Variants in LIN28B observed in about 807,000 individuals in gnomAD.
LIN28B encodes the protein lin-28 RNA binding posttranscriptional regulator B.
LIN28B carries 5 observed loss-of-function variants against 21.9 expected under a neutral mutation model. The ratio of observed to expected loss-of-function variants is 0.23; its 90% CI spans 0.12 to 0.48. LIN28B has a LOEUF of 0.48. Among genes scored for constraint, LIN28B ranks in the 20% least tolerant of loss-of-function variants. The pLI is 0.98. For missense variants in LIN28B, 245 were observed against 310.5 expected, an observed-to-expected ratio of 0.79 and a Z score of 1.58; for synonymous variants, 109 against 111.3, an observed-to-expected ratio of 0.98 and a Z score of 0.13.
intron 2 of LIN28B, among the ~76,000 whole-genome samples, chr6:104,942,193 C>T (rs1361378883): frequency 6.6e-6 from 1 of 152,016 alleles, no homozygotes; most frequent in South Asian, 2.1e-4. Flanking sequence ...TTTTATTTAT[C>T]GATCACAAAT....
At chr6:104,985,987 C>T (rs1383272945) in intron 2 of LIN28B, among the ~76,000 whole-genome samples, 1 of 152,080 alleles carries the variant, frequency 6.6e-6, no homozygotes, top group Non-Finnish European at 1.5e-5. Context: ...ATTTGTGTCC[C>T]TGCCCAAATC....
At chr6:104,999,287 T>C (rs1022873902) in intron 2 of LIN28B, among the ~76,000 whole-genome samples, 1 of 152,088 alleles carries the variant, frequency 6.6e-6, no homozygotes, top group Admixed American at 6.6e-5. Flanking sequence ...CTATAGGCCT[T>C]TGACACCACT....
chr6:104,956,455 T>C (rs1778291938), upstream of LIN28B, among the ~76,000 whole-genome samples: 1 of 152,202 alleles, frequency 6.6e-6, no homozygotes. Context: ...AATTTGACTA[T>C]ATGAAGGTGA....
chr6:104,992,812 A>C (rs1215672862), intron 2 of LIN28B, among the ~76,000 whole-genome samples: 1 of 152,134 alleles, frequency 6.6e-6, no homozygotes. Flanking sequence ...GTCTGGCCTG[A>C]TCAAGTATTT....
intron 2 of LIN28B, among the ~76,000 whole-genome samples, chr6:105,002,228 T>A (rs1292337020): frequency 1.3e-5 from 2 of 151,562 alleles, no homozygotes; most frequent in Non-Finnish European, 2.9e-5. Flanking sequence ...CAACTTTGCA[T>A]TAGCCATAAA....
At chr6:105,071,332 T>C (rs571482763) in intron 3 of LIN28B, among the ~76,000 whole-genome samples, 1 of 152,350 alleles carries the variant, frequency 6.6e-6, no homozygotes, top group South Asian at 2.1e-4. Flanking sequence ...TGTCAATACA[T>C]ATAAATTTAC....
At chr6:104,978,183 G>T (rs1770143286) in intron 2 of LIN28B, among the ~76,000 whole-genome samples, 1 of 152,174 alleles carries the variant, frequency 6.6e-6, no homozygotes, top group African/African-American at 2.4e-5. Context: ...CAGTGGAAAA[G>T]ATGGTGGCTT....
At chr6:105,013,491 A>T (rs1310072719) in intron 2 of LIN28B, among the ~76,000 whole-genome samples, 1 of 151,914 alleles carries the variant, frequency 6.6e-6, no homozygotes, top group Non-Finnish European at 1.5e-5. Context: ...TAATCCCAGC[A>T]CTTTGGGAGG....
At chr6:105,073,660 T>C (rs945952099) in intron 3 of LIN28B, among the ~76,000 whole-genome samples, 1 of 152,204 alleles carries the variant, frequency 6.6e-6, no homozygotes, top group Non-Finnish European at 1.5e-5. Flanking sequence ...GTTCAAGTAC[T>C]GTGAAGAATC....
rs376798143 is a variant in LIN28B at position 104,994,065 on chromosome 6, C to T, written c.199-32233C>T. Among the ~76,000 whole-genome samples the T allele has an allele frequency of 1.6e-3, 237 of 152,142 alleles. 1 individual carries two copies. Among genetic ancestry groups the T allele is most frequent in the South Asian group, 8.5e-3 (41 of 4,810 alleles). The stretch of plus-strand genomic sequence containing the variant: ...TGTCGCCCAGGCTGGAGGGCAGTGG[C>T]GCAATCTCGGCTCACTGCAAGCTCC... On this transcript the variant is annotated intron_variant, in intron 2 of 3. Coordinates refer to ENST00000345080, the MANE Select transcript of LIN28B (RefSeq NM_001004317.4).
At chr6:104,938,506 G>T (rs1778039432) in intron 2 of LIN28B, among the ~76,000 whole-genome samples, 1 of 151,994 alleles carries the variant, frequency 6.6e-6, no homozygotes, top group Admixed American at 6.6e-5. Context: ...GCGTGTGGTA[G>T]AGCAGGCCTG....
intron 2 of LIN28B, among the ~76,000 whole-genome samples, chr6:104,982,957 C>A (rs187667892): frequency 4.6e-5 from 7 of 152,170 alleles, no homozygotes; most frequent in Admixed American, 4.6e-4. Context: ...CACTACCATG[C>A]CTGGCTAATT....
chr6:105,012,656 T>G (rs1014295423), intron 2 of LIN28B, among the ~76,000 whole-genome samples: 1 of 152,174 alleles, frequency 6.6e-6, no homozygotes, highest in African/African-American at 2.4e-5. Flanking sequence ...ATCCCAGTGA[T>G]TCATTCCTTT....
chr6:104,941,425 C>G (rs1487915838), intron 2 of LIN28B: 5 of 146,684 alleles, frequency 3.4e-5, no homozygotes, highest in Non-Finnish European at 1.5e-5. Context: ...TGCCGGGCGG[C>G]CAAAGCCGGC....
chr6:104,942,150 G>A (rs1400143747), intron 2 of LIN28B, among the ~76,000 whole-genome samples: 2 of 152,104 alleles, frequency 1.3e-5, no homozygotes, highest in East Asian at 3.9e-4. Context: ...AATGCAAGGG[G>A]AAAATAAATT....
chr6:105,019,781 C>T (rs1771098286), intron 2 of LIN28B, among the ~76,000 whole-genome samples: 1 of 152,220 alleles, frequency 6.6e-6, no homozygotes, highest in Admixed American at 6.5e-5. Context: ...ATGCATCTCT[C>T]ATTCTCTTCT....
chr6:105,012,114 C>T (rs1770935012), intron 2 of LIN28B, among the ~76,000 whole-genome samples: 3 of 151,668 alleles, frequency 2.0e-5, no homozygotes, highest in South Asian at 2.1e-4. Flanking sequence ...GCCGAGATTG[C>T]GCCACTGCAC....
intron 2 of LIN28B, among the ~76,000 whole-genome samples, chr6:105,009,339 T>TTAGACTCTTTGAAGTCTAAAA: frequency 6.6e-6 from 1 of 152,164 alleles, no homozygotes; most frequent in Non-Finnish European, 1.5e-5. Flanking sequence ...ATAAATTATT[T>TTAGACTCTTTGAAGTCTAAAA]TAGACTCTTT....
intron 3 of LIN28B, among the ~76,000 whole-genome samples, chr6:105,053,869 T>C (rs1377771816): frequency 6.6e-6 from 1 of 152,116 alleles, no homozygotes; most frequent in South Asian, 2.1e-4. Context: ...TATTCAGGAT[T>C]ACAGGCTGGG....
Sources: gnomAD v4.1 joint callset for allele counts (sites outside exome capture counted in the v4.1 genomes callset) on GRCh38, gnomAD v4.1.1 for gene constraint, MANE v1.5 for transcripts, NCBI Gene and HGNC (gene_info 2026-07-23, HGNC 2026-07-21) for gene names.